The following FTO variants were observed in gnomAD, a reference collection of about 807,000 sequenced individuals.
FTO encodes FTO alpha-ketoglutarate dependent dioxygenase.
FTO carries 47 observed loss-of-function variants against 63.9 expected under a neutral mutation model. The observed-to-expected ratio is 0.74, with a 90% CI of 0.58 to 0.94. The LOEUF is 0.94. Among genes scored for constraint, FTO ranks in the 40% least tolerant of loss-of-function variants. The probability of loss-of-function intolerance (pLI) is 0.00; values close to 1 mark genes in which losing one functional copy is unlikely to be tolerated. For missense variants in FTO, 562 were observed against 618.1 expected (o/e 0.91, Z 0.96); for synonymous variants, 207 against 224.4 (o/e 0.92, Z 0.69).
At chr16:53,831,095 G>A (rs141906661) in intron 3 of FTO, among the ~76,000 whole-genome samples, 21 of 152,228 alleles carry the variant, frequency 1.4e-4, no homozygotes, top group South Asian at 2.1e-4. Flanking sequence ...ATTTGTTCCC[G>A]TAATTCTTGA....
chr16:53,839,838 C>T (rs2079421340), intron 3 of FTO, among the ~76,000 whole-genome samples: 1 of 149,860 alleles, frequency 6.7e-6, no homozygotes, highest in Non-Finnish European at 1.5e-5. Context: ...TGCAGTGTCA[C>T]TATGTCACCA....
intron 7 of FTO, among the ~76,000 whole-genome samples, chr16:53,914,431 A>G (rs1372681255): frequency 6.6e-6 from 1 of 152,052 alleles, no homozygotes; most frequent in Admixed American, 6.5e-5. Flanking sequence ...TTGGAAAGTA[A>G]GTTACAAGAT....
chr16:54,076,848 G>A (rs1445681725), intron 8 of FTO, among the ~76,000 whole-genome samples: 1 of 152,124 alleles, frequency 6.6e-6, no homozygotes, highest in Non-Finnish European at 1.5e-5. Context: ...TGGATGCTTA[G>A]GATTTTGAAT....
intron 8 of FTO, among the ~76,000 whole-genome samples, chr16:54,017,785 C>T (rs1461514631): frequency 6.6e-6 from 1 of 152,172 alleles, no homozygotes; most frequent in Admixed American, 6.5e-5. Flanking sequence ...GAGCTTTCTG[C>T]ATCTGCCTCA....
intron 7 of FTO, among the ~76,000 whole-genome samples, chr16:53,900,205 T>G (rs1039972559): frequency 1.3e-5 from 2 of 152,198 alleles, no homozygotes; most frequent in Non-Finnish European, 2.9e-5. Context: ...TCTTTTAATT[T>G]TTTTTTCTTT....
chr16:54,087,780 G>A (rs1403819846), intron 8 of FTO, among the ~76,000 whole-genome samples: 1 of 152,154 alleles, frequency 6.6e-6, no homozygotes, highest in Non-Finnish European at 1.5e-5. Flanking sequence ...CTGGGAAACC[G>A]AGTGAGACCC....
At chr16:53,912,412 A>G (rs2081734921) in intron 7 of FTO, among the ~76,000 whole-genome samples, 1 of 152,102 alleles carries the variant, frequency 6.6e-6, no homozygotes, top group African/African-American at 2.4e-5. Context: ...GTGAAAAAGG[A>G]GTGTCTTCCA....
At chr16:53,810,264 C>A in intron 2 of FTO, 47 bp downstream of exon 2, 1 of 1,338,080 alleles carries the variant, frequency 7.5e-7, no homozygotes, top group Non-Finnish European at 1.1e-6. Flanking sequence ...GTGTTCTGAT[C>A]AACCTTATTT....
chr16:54,052,316 A>G (rs1186661534), intron 8 of FTO, among the ~76,000 whole-genome samples: 1 of 151,980 alleles, frequency 6.6e-6, no homozygotes, highest in Non-Finnish European at 1.5e-5. Context: ...ATATCAAACA[A>G]CTCGAGGGGG....
chr16:53,838,586 C>G (rs1021172522), intron 3 of FTO, among the ~76,000 whole-genome samples: 1 of 152,190 alleles, frequency 6.6e-6, no homozygotes, highest in Non-Finnish European at 1.5e-5. Flanking sequence ...GCTGGGATTA[C>G]AAGTGTGAAC....
intron 7 of FTO, among the ~76,000 whole-genome samples, chr16:53,899,870 T>C (rs935494636): frequency 1.3e-5 from 2 of 152,252 alleles, no homozygotes. Context: ...GTTGTAATTC[T>C]ATAAGCAGCA....
chr16:54,097,332 TTTG>T (rs576780405), intron 8 of FTO, among the ~76,000 whole-genome samples: 4 of 151,772 alleles, frequency 2.6e-5, no homozygotes, highest in East Asian at 1.9e-4. Context: ...TTGTTTTTTT[TTTG>T]TTGTTGTTGT....
intron 1 of FTO, among the ~76,000 whole-genome samples, chr16:53,748,925 G>A (rs1276400408): frequency 3.3e-5 from 5 of 150,228 alleles, no homozygotes; most frequent in South Asian, 2.1e-4. Context: ...CACCGTGCCC[G>A]GCCAACTTTT....
At chr16:53,959,348 G>A (rs1485233685) in intron 8 of FTO, among the ~76,000 whole-genome samples, 6 of 152,154 alleles carry the variant, frequency 3.9e-5, no homozygotes, top group South Asian at 2.1e-4. Context: ...AATAGTTGCA[G>A]TCCTAACAAA....
intron 1 of FTO, among the ~76,000 whole-genome samples, chr16:53,805,713 G>C (rs749817381): frequency 2.0e-5 from 3 of 152,098 alleles, no homozygotes; most frequent in Admixed American, 6.5e-5. Context: ...ACCTCCCAAA[G>C]TGCTGGGATT....
At chr16:53,870,863 C>T (rs965840533) in intron 4 of FTO, among the ~76,000 whole-genome samples, 1 of 152,130 alleles carries the variant, frequency 6.6e-6, no homozygotes, top group African/African-American at 2.4e-5. Flanking sequence ...TGTAAATCTA[C>T]TGAATATAAA....
intron 1 of FTO, among the ~76,000 whole-genome samples, chr16:53,798,409 A>T (rs1479770638): frequency 6.6e-6 from 1 of 152,148 alleles, no homozygotes; most frequent in Non-Finnish European, 1.5e-5. Flanking sequence ...CGAGTCTTCC[A>T]GTCCACTAAC....
chr16:53,748,452 TTTTATTTA>T (rs1264590490), intron 1 of FTO, among the ~76,000 whole-genome samples: 1 of 152,078 alleles, frequency 6.6e-6, no homozygotes, highest in Non-Finnish European at 1.5e-5. Flanking sequence ...TTTATAGCTA[TTTTATTTA>T]TTTATTTATT....
intron 1 of FTO, among the ~76,000 whole-genome samples, chr16:53,712,187 C>A (rs1268307236): frequency 1.3e-5 from 2 of 152,074 alleles, no homozygotes; most frequent in African/African-American, 2.4e-5. Context: ...TCAAATTTGG[C>A]ATTTTATTGA....
Sources: gnomAD v4.1 joint callset for allele counts (sites outside exome capture counted in the v4.1 genomes callset) on GRCh38, gnomAD v4.1.1 for gene constraint, MANE v1.5 for transcripts, NCBI Gene and HGNC (gene_info 2026-07-23, HGNC 2026-07-21) for gene names.